The following PRELID2 variants were observed in gnomAD, a reference collection of about 807,000 sequenced individuals.
PRELID2 encodes PRELI domain containing 2.
PRELID2 carries 25 observed loss-of-function variants against 28.4 expected under a neutral mutation model. That is an observed-to-expected ratio of 0.88 (90% CI 0.64 to 1.23). PRELID2 has a LOEUF of 1.23. Ranked by LOEUF, PRELID2 falls within the 50% of genes most tolerant of loss-of-function variation. The pLI is 0.00. For synonymous variants in PRELID2, 76 were observed against 71.6 expected, an observed-to-expected ratio of 1.06 and a Z score of -0.31; for missense variants, 201 against 214.4, an observed-to-expected ratio of 0.94 and a Z score of 0.39.
At chr5:145,281,439 G>A in the PRELID2 span, among the ~76,000 whole-genome samples, 2 of 152,150 alleles carry the variant, frequency 1.3e-5, no homozygotes, top group Non-Finnish European at 2.9e-5. Context: ...ATCTGTTTCT[G>A]TGCACAACCA....
At chr5:145,548,808 C>CATCT (rs1334397356) in intron 1 of PRELID2, among the ~76,000 whole-genome samples, 2 of 152,204 alleles carry the variant, frequency 1.3e-5, no homozygotes, top group Non-Finnish European at 2.9e-5. Context: ...GAGCTAACTG[C>CATCT]ATCTCTTCCG....
intron 1 of PRELID2, among the ~76,000 whole-genome samples, chr5:145,704,961 G>GC (rs1554084839): frequency 6.6e-6 from 1 of 152,158 alleles, no homozygotes; most frequent in Non-Finnish European, 1.5e-5. Flanking sequence ...GCCCAGCTGA[G>GC]CCCAGGGGTT....
the PRELID2 span, among the ~76,000 whole-genome samples, chr5:145,305,177 C>A: frequency 1.1e-4 from 16 of 152,092 alleles, no homozygotes; most frequent in African/African-American, 3.9e-4. Flanking sequence ...AGGGTAGGAG[C>A]AAATTTTTGA....
chr5:145,333,282 G>T, the PRELID2 span, among the ~76,000 whole-genome samples: 1 of 152,182 alleles, frequency 6.6e-6, no homozygotes, highest in Non-Finnish European at 1.5e-5. Context: ...CTGTCCCTTA[G>T]CAGAGCATGA....
intron 4 of PRELID2, among the ~76,000 whole-genome samples, chr5:145,817,493 G>T (rs1754453953): frequency 8.0e-6 from 1 of 125,266 alleles, no homozygotes. Flanking sequence ...AAAAAAAAAA[G>T]AAGTGCACAA....
At chr5:145,457,377 A>G in the PRELID2 span, among the ~76,000 whole-genome samples, 1 of 152,170 alleles carries the variant, frequency 6.6e-6, no homozygotes, top group African/African-American at 2.4e-5. Context: ...GGTAAATGCT[A>G]TTCAACTTCC....
chr5:145,428,941 A>G, the PRELID2 span, among the ~76,000 whole-genome samples: 3 of 152,122 alleles, frequency 2.0e-5, no homozygotes, highest in Middle Eastern at 3.2e-3. Context: ...CTGAGTGAAC[A>G]AAGTCCAAAG....
chr5:145,575,944 A>G (rs1753056692), intron 1 of PRELID2, among the ~76,000 whole-genome samples: 1 of 151,702 alleles, frequency 6.6e-6, no homozygotes, highest in African/African-American at 2.4e-5. Flanking sequence ...TGTTGGGAAC[A>G]CTCTTCTCCA....
intron 1 of PRELID2, among the ~76,000 whole-genome samples, chr5:145,571,930 C>T (rs1229105668): frequency 1.3e-5 from 2 of 149,094 alleles, no homozygotes; most frequent in East Asian, 2.0e-4. Flanking sequence ...TGCTGTGAGC[C>T]GAGATTACAC....
chr5:145,353,658 C>T, the PRELID2 span, among the ~76,000 whole-genome samples: 2 of 151,914 alleles, frequency 1.3e-5, no homozygotes, highest in Non-Finnish European at 2.9e-5. Flanking sequence ...AGGAAAAGCA[C>T]CTTATAAAAC....
At chr5:145,267,743 A>G in the PRELID2 span, among the ~76,000 whole-genome samples, 36 of 152,308 alleles carry the variant, frequency 2.4e-4, no homozygotes, top group African/African-American at 7.9e-4. Context: ...ACTGCTCTCC[A>G]TAGTGGTCGT....
At chr5:145,355,684 C>CA in the PRELID2 span, among the ~76,000 whole-genome samples, 5 of 151,814 alleles carry the variant, frequency 3.3e-5, no homozygotes, top group Non-Finnish European at 5.9e-5. Flanking sequence ...AAAGGCAGAG[C>CA]AAAAAAAGCA....
chr5:145,418,545 G>C, the PRELID2 span, among the ~76,000 whole-genome samples: 1 of 152,056 alleles, frequency 6.6e-6, no homozygotes, highest in Non-Finnish European at 1.5e-5. Flanking sequence ...TATAAGAACA[G>C]ATGCATAGAC....
At chr5:145,335,038 AT>A in the PRELID2 span, among the ~76,000 whole-genome samples, 1 of 151,888 alleles carries the variant, frequency 6.6e-6, no homozygotes, top group Non-Finnish European at 1.5e-5. Flanking sequence ...TTTGTCTATT[AT>A]TTTTTAAGTA....
At chr5:145,229,032 T>G in the PRELID2 span, 2 of 1,601,892 alleles carry the variant, frequency 1.2e-6, no homozygotes, top group Non-Finnish European at 1.7e-6. Flanking sequence ...GGAGTTCATC[T>G]GGGCGGCCAT....
At chr5:145,647,522 G>GCA (rs1754219294) in intron 1 of PRELID2, among the ~76,000 whole-genome samples, 1 of 152,146 alleles carries the variant, frequency 6.6e-6, no homozygotes, top group African/African-American at 2.4e-5. Context: ...CCTTTCCAGG[G>GCA]GAGTGAACGG....
intron 4 of PRELID2, among the ~76,000 whole-genome samples, chr5:145,805,722 AAAC>A (rs1753452090): frequency 6.6e-6 from 1 of 152,218 alleles, no homozygotes. Flanking sequence ...ATCGTTGTGC[AAAC>A]ATCATAGAGT....
intron 1 of PRELID2, among the ~76,000 whole-genome samples, chr5:145,562,304 A>T (rs1256620425): frequency 6.6e-6 from 1 of 152,228 alleles, no homozygotes; most frequent in Non-Finnish European, 1.5e-5. Flanking sequence ...TGTTGAAATT[A>T]GTCCTTGACT....
the PRELID2 span, among the ~76,000 whole-genome samples, chr5:145,262,474 A>T: frequency 6.6e-6 from 1 of 152,196 alleles, no homozygotes; most frequent in Non-Finnish European, 1.5e-5. Flanking sequence ...AACCTATCAG[A>T]TTAATAGCAG....
Sources: allele counts gnomAD v4.1 joint callset (sites outside exome capture counted in the v4.1 genomes callset), GRCh38; gene constraint gnomAD v4.1.1; transcripts MANE v1.5; gene names NCBI Gene and HGNC (gene_info 2026-07-23, HGNC 2026-07-21).